Variants in MAP2K5 observed in about 807,000 individuals in gnomAD.
MAP2K5 encodes dual specificity mitogen-activated protein kinase kinase 5.
In MAP2K5, 49 loss-of-function variants were observed where a neutral mutation model predicts 83.1. The observed-to-expected ratio is 0.59, with a 90% confidence interval of 0.47 to 0.75. MAP2K5 has a LOEUF of 0.75. Ranked by LOEUF, MAP2K5 falls within the 30% of genes least tolerant of loss-of-function variation. The pLI is 0.00. For missense variants in MAP2K5, 457 were observed against 557.5 expected, an observed-to-expected ratio of 0.82 and a Z score of 1.82; for synonymous variants, 202 against 191.8, an observed-to-expected ratio of 1.05 and a Z score of -0.44.
At chr15:67,745,443 A>G (rs1362349700) in intron 17 of MAP2K5, among the ~76,000 whole-genome samples, 1 of 152,252 alleles carries the variant, frequency 6.6e-6, no homozygotes, top group East Asian at 1.9e-4. Flanking sequence ...AACTGTGTGC[A>G]AAAGCAGAGG....
chr15:67,756,514 ACTGTGTGTGTGT>A (rs1297367499), intron 19 of MAP2K5, among the ~76,000 whole-genome samples: 21 of 97,926 alleles, frequency 2.1e-4, no homozygotes, highest in African/African-American at 6.8e-4. Flanking sequence ...ACACACAGTT[ACTGTGTGTGTGT>A]GTGTGTGTGT....
At chr15:67,806,289 C>T (rs1042797988) in intron 21 of MAP2K5, among the ~76,000 whole-genome samples, 10 of 152,266 alleles carry the variant, frequency 6.6e-5, no homozygotes, top group African/African-American at 1.9e-4. Flanking sequence ...TGCCAGGCCT[C>T]GGCTGACTGG....
chr15:67,675,966 A>T (rs188022669), intron 13 of MAP2K5, among the ~76,000 whole-genome samples: 102 of 152,274 alleles, frequency 6.7e-4, no homozygotes, highest in Admixed American at 1.6e-3. Flanking sequence ...ATGGAAGAGG[A>T]TAGTTATTTC....
At position 67,683,286 on chromosome 15, in the gene MAP2K5, C is replaced by T. The variant is rs1596788036; in HGVS notation, c.848-9193C>T. On this transcript the variant is annotated intron_variant, in intron 13 of 21. Coordinates refer to ENST00000178640, the MANE Select transcript of MAP2K5 (RefSeq NM_145160.3). ...GATAACAAAATTTAAATTAGGGGAG[C>T]TGTCCTTAACCCAAGATTTAAAGGG... Among the ~76,000 whole-genome samples, 5 of 152,242 alleles carry T rather than the reference C, an allele frequency of 3.3e-5. No homozygotes were observed. The Middle Eastern group carries it at 0.014, about 414-fold the overall frequency.
intron 19 of MAP2K5, among the ~76,000 whole-genome samples, chr15:67,756,269 C>G (rs2089831970): frequency 6.6e-6 from 1 of 152,154 alleles, no homozygotes; most frequent in Admixed American, 6.5e-5. Context: ...TCACCATCTT[C>G]TTATGCTGCT....
intron 17 of MAP2K5, among the ~76,000 whole-genome samples, chr15:67,743,977 A>G (rs1306130116): frequency 2.0e-5 from 3 of 152,182 alleles, no homozygotes; most frequent in Non-Finnish European, 4.4e-5. Flanking sequence ...CTCACAGTGG[A>G]CAGTCTCCTA....
At chr15:67,632,044 T>G (rs1370542814) in intron 9 of MAP2K5, among the ~76,000 whole-genome samples, 1 of 152,092 alleles carries the variant, frequency 6.6e-6, no homozygotes, top group Non-Finnish European at 1.5e-5. Flanking sequence ...TGGCCTTTAG[T>G]AATGAAAGTT....
At chr15:67,800,803 G>A (rs117139633) in intron 21 of MAP2K5, among the ~76,000 whole-genome samples, 296 of 152,204 alleles carry the variant, frequency 1.9e-3, no homozygotes, top group Non-Finnish European at 3.3e-3. Flanking sequence ...CTAAGTGGAC[G>A]TCTTTTTTCA....
intron 8 of MAP2K5, chr15:67,629,141 G>T (rs1331626754): frequency 2.8e-6 from 2 of 724,972 alleles, no homozygotes; most frequent in African/African-American, 1.7e-5. Context: ...TTTAATTATT[G>T]CCAGGAAACA....
chr15:67,594,329 G>A lies in MAP2K5; in HGVS notation c.480+1355G>A, dbSNP rs200632523. On this transcript the variant is annotated intron_variant, in intron 7 of 21. Transcript: ENST00000178640. ...ATATATAAACAAAATCTGACTAAAAGCAAAAATATTGAGCCTAGGATATTT... is the reference window on the plus strand; with the variant it reads ...ATATATAAACAAAATCTGACTAAAAACAAAAATATTGAGCCTAGGATATTT... Among the ~76,000 whole-genome samples the A allele has an allele frequency of 7.9e-5, 12 of 152,206 alleles. No homozygotes were observed. In the East Asian group the frequency reaches 2.1e-3, roughly 27 times the overall value.
intron 7 of MAP2K5, among the ~76,000 whole-genome samples, chr15:67,600,225 G>A (rs2085625031): frequency 6.6e-6 from 1 of 152,124 alleles, no homozygotes; most frequent in Non-Finnish European, 1.5e-5. Flanking sequence ...TTTGTTAAAT[G>A]TTAATTATGG....
At chr15:67,544,948 C>A (rs925639700) in intron 1 of MAP2K5, among the ~76,000 whole-genome samples, 4 of 152,172 alleles carry the variant, frequency 2.6e-5, no homozygotes, top group Middle Eastern at 3.2e-3. Context: ...ATACAGATTT[C>A]CCCTCATGAT....
chr15:67,720,348 C>A lies in MAP2K5; in HGVS notation c.1045-7568C>A, dbSNP rs2088929875. Among the ~76,000 whole-genome samples the A allele has an allele frequency of 6.6e-6, 1 of 151,236 alleles. No homozygotes were observed. The highest frequency in any genetic ancestry group is 2.4e-5 in the African/African-American group (1 of 41,098). ...CATACATAAGTATATACATATATAT[C>A]TATATATATACACACTTACACACAC... On this transcript the variant is annotated intron_variant, in intron 16 of 21. Transcript: ENST00000178640. This position sits in a 1 kb window ranked among gnomAD's most constrained non-coding sequence, Gnocchi z 5.7.
chr15:67,564,105 G>A (rs753778232), intron 3 of MAP2K5, among the ~76,000 whole-genome samples: 13 of 152,044 alleles, frequency 8.6e-5, no homozygotes, highest in Non-Finnish European at 1.2e-4. Flanking sequence ...ACCTTTTCCC[G>A]TGGCCTGGTA....
chr15:67,661,101 T>G (rs747779391), intron 12 of MAP2K5, among the ~76,000 whole-genome samples: 1 of 152,078 alleles, frequency 6.6e-6, no homozygotes, highest in African/African-American at 2.4e-5. Flanking sequence ...TCTGTTGACC[T>G]CTGTGATATG....
intron 9 of MAP2K5, among the ~76,000 whole-genome samples, chr15:67,634,810 T>C (rs2086563496): frequency 6.6e-6 from 1 of 152,224 alleles, no homozygotes; most frequent in African/African-American, 2.4e-5. Context: ...TTTTGAAATG[T>C]ATTTCATGTA....
intron 21 of MAP2K5, among the ~76,000 whole-genome samples, chr15:67,788,387 A>G (rs1299566132): frequency 6.6e-6 from 1 of 152,164 alleles, no homozygotes; most frequent in Non-Finnish European, 1.5e-5. Context: ...AGGTAGCCTC[A>G]GGCTGTCTTA....
intron 9 of MAP2K5, among the ~76,000 whole-genome samples, chr15:67,645,957 A>T (rs1036553947): frequency 6.6e-6 from 1 of 152,118 alleles, no homozygotes; most frequent in African/African-American, 2.4e-5. Context: ...GAGTGTTATA[A>T]CTTAACTGAC....
At chr15:67,686,730 G>C (rs1054344624) in intron 13 of MAP2K5, among the ~76,000 whole-genome samples, 1 of 152,170 alleles carries the variant, frequency 6.6e-6, no homozygotes, top group Non-Finnish European at 1.5e-5. Flanking sequence ...AAGGCTGGGG[G>C]TCAGGGTAGA....
Sources: allele counts gnomAD v4.1 joint callset (sites outside exome capture counted in the v4.1 genomes callset), GRCh38; gene constraint gnomAD v4.1.1; non-coding constraint Gnocchi (gnomAD v3.1); transcripts MANE v1.5; gene names NCBI Gene and HGNC (gene_info 2026-07-23, HGNC 2026-07-21).